The following CEP112 variants were observed in gnomAD, a reference collection of about 807,000 sequenced individuals.
CEP112 encodes the protein centrosomal protein 112.
In CEP112, 127 loss-of-function variants were observed where a neutral mutation model predicts 153.0. The observed-to-expected ratio is 0.83, with a 90% confidence interval of 0.72 to 0.96. The LOEUF (loss-of-function observed/expected upper bound fraction) is 0.96, where lower values mean the gene tolerates loss of function less well. CEP112 is among the 40% of genes least tolerant of loss of function. CEP112 has a pLI of 0.00. For missense variants in CEP112, 1,089 were observed against 1,101.2 expected (o/e 0.99, Z 0.16); for synonymous variants, 358 against 374.4 (o/e 0.96, Z 0.51).
chr17:66,121,557 T>C lies in CEP112; in HGVS notation c.642+8189A>G, dbSNP rs546090706. Among the ~76,000 whole-genome samples, 4 of 152,322 alleles carry C rather than the reference T, an allele frequency of 2.6e-5. No homozygotes were observed. In the South Asian group the frequency reaches 8.3e-4, roughly 32 times the overall value. The stretch of plus-strand genomic sequence containing the variant: ...ATTTTTCTGCATTCTTTTTTCACTC[T>C]CTTCTTTGGCCTGCATAATCTCTAT... On this transcript the variant is annotated intron_variant, in intron 6 of 26. Transcript: ENST00000535342.
intron 21 of CEP112, among the ~76,000 whole-genome samples, chr17:65,846,779 C>A (rs1310710822): frequency 6.6e-6 from 1 of 152,114 alleles, no homozygotes; most frequent in African/African-American, 2.4e-5. Flanking sequence ...CCGTGTTAGC[C>A]AGGATGGTCT....
chr17:65,672,966 A>C (rs2047060666), intron 24 of CEP112, among the ~76,000 whole-genome samples: 1 of 152,206 alleles, frequency 6.6e-6, no homozygotes, highest in South Asian at 2.1e-4. Context: ...GCTGTAACAA[A>C]TTACCCAAAG....
At chr17:65,866,255 C>G (rs2058482111) in intron 20 of CEP112, among the ~76,000 whole-genome samples, 1 of 152,214 alleles carries the variant, frequency 6.6e-6, no homozygotes, top group Non-Finnish European at 1.5e-5. Flanking sequence ...GGTGCTGTTG[C>G]AGCCTGGCCG....
chr17:66,091,089 G>A (rs1023637152), intron 8 of CEP112, among the ~76,000 whole-genome samples: 2 of 151,742 alleles, frequency 1.3e-5, no homozygotes, highest in East Asian at 1.9e-4. Flanking sequence ...TAATAGTAGG[G>A]GACTTTAAGA....
intron 24 of CEP112, among the ~76,000 whole-genome samples, chr17:65,654,263 A>G (rs1361076877): frequency 6.6e-6 from 1 of 152,156 alleles, no homozygotes; most frequent in African/African-American, 2.4e-5. Flanking sequence ...GAGCTCATGT[A>G]CTTTGATTCT....
chr17:66,072,173 G>A (rs2146097817), intron 8 of CEP112, among the ~76,000 whole-genome samples: 1 of 151,808 alleles, frequency 6.6e-6, no homozygotes, highest in South Asian at 2.1e-4. Flanking sequence ...TCAATTATTT[G>A]TAAATTAGAA....
chr17:66,046,781 G>A (rs952647003), intron 12 of CEP112, among the ~76,000 whole-genome samples: 2 of 138,372 alleles, frequency 1.4e-5, no homozygotes, highest in African/African-American at 2.7e-5. Context: ...TGAAGACATC[G>A]AGACAGAAAT....
At chr17:65,714,689 T>G (rs2049394911) in intron 23 of CEP112, among the ~76,000 whole-genome samples, 1 of 152,210 alleles carries the variant, frequency 6.6e-6, no homozygotes, top group Non-Finnish European at 1.5e-5. Flanking sequence ...ACAACAGTAT[T>G]GTATTATTAT....
intron 23 of CEP112, among the ~76,000 whole-genome samples, chr17:65,724,856 C>G (rs1191545880): frequency 6.6e-6 from 1 of 152,160 alleles, no homozygotes; most frequent in Non-Finnish European, 1.5e-5. Flanking sequence ...AGCCCCTTTA[C>G]CCCTCTTCCA....
chr17:65,722,779 G>T (rs2049967726), intron 23 of CEP112, among the ~76,000 whole-genome samples: 1 of 152,198 alleles, frequency 6.6e-6, no homozygotes, highest in Non-Finnish European at 1.5e-5. Flanking sequence ...CTGCCATTTA[G>T]AAGAAAAGAA....
At chr17:66,160,311 C>T (rs1041406493) in intron 4 of CEP112, among the ~76,000 whole-genome samples, 1 of 152,108 alleles carries the variant, frequency 6.6e-6, no homozygotes, top group African/African-American at 2.4e-5. Context: ...CAAGCCACCA[C>T]TGACTTTCTT....
At chr17:66,094,401 G>C (rs1051825387) in intron 8 of CEP112, among the ~76,000 whole-genome samples, 1 of 152,028 alleles carries the variant, frequency 6.6e-6, no homozygotes, top group African/African-American at 2.4e-5. Flanking sequence ...ACACACAATG[G>C]GGAAAGACAG....
At chr17:65,844,621 G>A (rs1378837841) in intron 21 of CEP112, among the ~76,000 whole-genome samples, 2 of 103,186 alleles carry the variant, frequency 1.9e-5, no homozygotes, top group East Asian at 5.8e-4. Context: ...CAAGCCAGAG[G>A]TTGCAGTGAG....
At chr17:66,145,576 A>G (rs1352037057) in intron 4 of CEP112, among the ~76,000 whole-genome samples, 1 of 152,166 alleles carries the variant, frequency 6.6e-6, no homozygotes, top group Non-Finnish European at 1.5e-5. Context: ...GCATAATTTG[A>G]TAAAAAGACC....
At chr17:65,937,537 C>T (rs2061364149) in intron 18 of CEP112, among the ~76,000 whole-genome samples, 1 of 121,096 alleles carries the variant, frequency 8.3e-6, no homozygotes, top group Non-Finnish European at 1.7e-5. Context: ...GCCCCTCTGC[C>T]CGGCCAGCCG....
At chr17:66,066,711 T>C (rs2067133291) in intron 10 of CEP112, 67 bp downstream of exon 10, 2 of 1,111,094 alleles carry the variant, frequency 1.8e-6, no homozygotes, top group Admixed American at 6.3e-5. Context: ...AATCAAATTT[T>C]TTTCTCCACA....
intron 4 of CEP112, among the ~76,000 whole-genome samples, chr17:66,157,614 G>A (rs1273827552): frequency 6.6e-6 from 1 of 150,814 alleles, no homozygotes; most frequent in Non-Finnish European, 1.5e-5. Flanking sequence ...ACCCATCAGT[G>A]TGCTGTATTC....
chr17:65,752,473 A>G (rs1027629352), intron 21 of CEP112, among the ~76,000 whole-genome samples: 1 of 152,194 alleles, frequency 6.6e-6, no homozygotes, highest in African/African-American at 2.4e-5. Flanking sequence ...AAGGGCATCA[A>G]GGTGTTCAGG....
intron 23 of CEP112, among the ~76,000 whole-genome samples, chr17:65,723,908 T>C (rs1460072733): frequency 6.6e-6 from 1 of 152,236 alleles, no homozygotes; most frequent in Non-Finnish European, 1.5e-5. Context: ...TCTGTTACTC[T>C]GAAATATTTT....
Sources: gnomAD v4.1 joint callset for allele counts (sites outside exome capture counted in the v4.1 genomes callset) on GRCh38, gnomAD v4.1.1 for gene constraint, MANE v1.5 for transcripts, NCBI Gene and HGNC (gene_info 2026-07-23, HGNC 2026-07-21) for gene names.